The following OCA2 variants were observed in gnomAD, a reference collection of about 807,000 sequenced individuals.
The protein encoded by OCA2 is P protein.
A neutral mutation model predicts 100.2 loss-of-function variants in OCA2; 77 were observed. The ratio of observed to expected loss-of-function variants is 0.77; its 90% confidence interval spans 0.64 to 0.93. The LOEUF (loss-of-function observed/expected upper bound fraction) is 0.93, where lower values mean the gene tolerates loss of function less well. Ranked by LOEUF, OCA2 falls within the 40% of genes least tolerant of loss-of-function variation. OCA2 has a pLI of 0.00. For missense variants in OCA2, 1,062 were observed against 1,089.1 expected, an observed-to-expected ratio of 0.98 and a Z score of 0.35; for synonymous variants, 432 against 439.2, an observed-to-expected ratio of 0.98 and a Z score of 0.21.
intron 19 of OCA2, among the ~76,000 whole-genome samples, chr15:27,886,794 C>T (rs1365024244): frequency 6.6e-6 from 1 of 152,198 alleles, no homozygotes; most frequent in Non-Finnish European, 1.5e-5. Context: ...TCCCTGCTTA[C>T]TCCTGCCAAG....
intron 19 of OCA2, among the ~76,000 whole-genome samples, chr15:27,879,699 T>C (rs1482783051): frequency 1.3e-5 from 2 of 152,182 alleles, no homozygotes; most frequent in East Asian, 3.9e-4. Flanking sequence ...AATGTGGTTG[T>C]TGGTTTTTTT....
intron 2 of OCA2, among the ~76,000 whole-genome samples, chr15:28,080,461 C>T (rs918437156): frequency 6.6e-6 from 1 of 152,224 alleles, no homozygotes; most frequent in Non-Finnish European, 1.5e-5. Flanking sequence ...GAGCTACAGG[C>T]ATCAGCACAA....
intron 18 of OCA2, among the ~76,000 whole-genome samples, chr15:27,937,983 CACAAATATAAATAA>C (rs1400018455): frequency 6.6e-6 from 1 of 152,048 alleles, no homozygotes; most frequent in African/African-American, 2.4e-5. Flanking sequence ...AAAGCTGAGT[CACAAATATAAATAA>C]GAAAATGATG....
At chr15:27,989,566 G>T in intron 11 of OCA2, 35 bp downstream of exon 11, 1 of 1,593,160 alleles carries the variant, frequency 6.3e-7, no homozygotes, top group Non-Finnish European at 8.6e-7. Context: ...TACCGCAGGC[G>T]TGGAGCCCAG....
rs759511199 is a variant in OCA2 at position 27,990,608 on chromosome 15, C to T, written c.1084G>A (p.Ala362Thr). The change falls in exon 10 of 24, where the codon GCA (alanine) becomes ACA (threonine). Residue 362 changes from alanine to threonine, a missense_variant. Transcript: ENST00000354638. The stretch of plus-strand genomic sequence containing the variant: ...ATCACAGCCAGTGCTGCCAGTGCTG[C>T]AAGGGAACCCAGCATGGCCGCCAGA... The part of the protein sequence containing the change: ...RTLAAMLGSL[A>T]ALAALAVIGD... 6 of 1,614,058 alleles carry T rather than the reference C, an allele frequency of 3.7e-6. No homozygotes were observed. Among genetic ancestry groups the T allele is most frequent in the Non-Finnish European group, 5.1e-6 (6 of 1,180,018 alleles).
chr15:27,955,153 G>C lies in OCA2; in HGVS notation c.1842+5C>G, dbSNP rs1336305890. On this transcript the variant is annotated splice_donor_5th_base_variant and intron_variant, in intron 17 of 23. Coordinates refer to ENST00000354638, the MANE Select transcript of OCA2 (RefSeq NM_000275.3). Reference sequence around the variant, plus strand: ...AGAAATCCCTGAGGAAAGAAAGCTGGGTACCTTTTTTTGGAGTTCTTGGAT... The same window carrying C: ...AGAAATCCCTGAGGAAAGAAAGCTGCGTACCTTTTTTTGGAGTTCTTGGAT... The C allele has an allele frequency of 5.6e-6, 9 of 1,604,126 alleles. No homozygotes were observed. Among genetic ancestry groups the C allele is most frequent in the Non-Finnish European group, 7.7e-6 (9 of 1,170,996 alleles).
At chr15:27,778,489 A>G (rs2032362819) in intron 23 of OCA2, among the ~76,000 whole-genome samples, 1 of 152,184 alleles carries the variant, frequency 6.6e-6, no homozygotes, top group Non-Finnish European at 1.5e-5. Flanking sequence ...TTCCTTGCAC[A>G]TGGTTTGAAT....
chr15:27,888,588 GAA>G (rs2037324582), intron 19 of OCA2, among the ~76,000 whole-genome samples: 1 of 151,510 alleles, frequency 6.6e-6, no homozygotes, highest in Non-Finnish European at 1.5e-5. Flanking sequence ...ACTATGGGAA[GAA>G]ACAAAAGATA....
the OCA2 span, among the ~76,000 whole-genome samples, chr15:27,723,286 T>C: frequency 6.6e-6 from 1 of 152,082 alleles, no homozygotes; most frequent in Non-Finnish European, 1.5e-5. Flanking sequence ...CGTAGAATAA[T>C]GCCTGGAGCA....
rs2033827533 is a variant in OCA2, at chr15:27,805,947, G to A, written c.2432+39012C>T. ...CCTCCGCCCGCCTCCAGGCCGAATG[G>A]CCGAGCCCGGACACCACTGCGGAGT... On this transcript the variant is annotated intron_variant, in intron 23 of 23. Transcript: ENST00000354638. Among the ~76,000 whole-genome samples, 5 of 152,358 alleles carry A rather than the reference G, an allele frequency of 3.3e-5. No individual in the cohort carries two copies. In the South Asian group the frequency reaches 1.0e-3, roughly 32 times the overall value.
chr15:28,096,139 T>G (rs915918469), intron 1 of OCA2, among the ~76,000 whole-genome samples: 1 of 151,494 alleles, frequency 6.6e-6, no homozygotes, highest in Non-Finnish European at 1.5e-5. Flanking sequence ...GGCGTGGTCG[T>G]GTCTCCGGGA....
At chr15:27,961,309 G>A (rs2040404204) in intron 15 of OCA2, among the ~76,000 whole-genome samples, 1 of 152,206 alleles carries the variant, frequency 6.6e-6, no homozygotes, top group Non-Finnish European at 1.5e-5. Flanking sequence ...ACAAATGCTG[G>A]AGAGGATATG....
At chr15:27,769,811 G>A (rs1273168645) in intron 23 of OCA2, among the ~76,000 whole-genome samples, 4 of 149,964 alleles carry the variant, frequency 2.7e-5, no homozygotes, top group African/African-American at 1.0e-4. Flanking sequence ...CGGGCACGGA[G>A]GCTGTCCCTT....
intron 19 of OCA2, among the ~76,000 whole-genome samples, chr15:27,911,138 T>C (rs763977805): frequency 3.0e-4 from 46 of 152,128 alleles, no homozygotes; most frequent in Admixed American, 2.0e-4. Flanking sequence ...CTTAGAACCA[T>C]GGTAATGGTT....
chr15:27,843,263 C>G (rs983811705), intron 23 of OCA2, among the ~76,000 whole-genome samples: 1 of 152,068 alleles, frequency 6.6e-6, no homozygotes, highest in African/African-American at 2.4e-5. Context: ...GGAGCCCGGC[C>G]CAAATGAAGG....
intron 19 of OCA2, among the ~76,000 whole-genome samples, chr15:27,882,065 T>C (rs2037041912): frequency 6.6e-6 from 1 of 152,146 alleles, no homozygotes; most frequent in Non-Finnish European, 1.5e-5. Context: ...GTTTTCTTTG[T>C]TCTCTTTGGT....
At chr15:27,846,543 G>C (rs1412314263) in intron 22 of OCA2, among the ~76,000 whole-genome samples, 1 of 152,164 alleles carries the variant, frequency 6.6e-6, no homozygotes, top group Non-Finnish European at 1.5e-5. Context: ...TTAAGGATTA[G>C]TGATTGAAAA....
At chr15:27,982,332 T>C (rs2041193558) in intron 14 of OCA2, among the ~76,000 whole-genome samples, 1 of 152,212 alleles carries the variant, frequency 6.6e-6, no homozygotes, top group African/African-American at 2.4e-5. Context: ...AAACTAACAA[T>C]ACAATTTTTT....
At chr15:27,945,765 A>C (rs2039811555) in intron 18 of OCA2, among the ~76,000 whole-genome samples, 1 of 152,186 alleles carries the variant, frequency 6.6e-6, no homozygotes, top group South Asian at 2.1e-4. Flanking sequence ...CAGAACTGAA[A>C]TCTAATCAAA....
Sources: gnomAD v4.1 joint callset for allele counts (sites outside exome capture counted in the v4.1 genomes callset) on GRCh38, gnomAD v4.1.1 for gene constraint, MANE v1.5 for transcripts, NCBI Gene and HGNC (gene_info 2026-07-23, HGNC 2026-07-21) for gene names.